Variants in CLSTN2 observed in about 807,000 individuals in gnomAD.
CLSTN2 encodes the protein calsyntenin 2, also known as calsyntenin-2.
A neutral mutation model predicts 101.2 loss-of-function variants in CLSTN2; 48 were observed. That is an observed-to-expected ratio of 0.47 (90% CI 0.38 to 0.60). The LOEUF is 0.60. Ranked by LOEUF, CLSTN2 falls within the 20% of genes least tolerant of loss-of-function variation. The pLI is 0.00. For missense variants in CLSTN2, 1,160 were observed against 1,238.2 expected (o/e 0.94, Z 0.95); for synonymous variants, 481 against 463.6 (o/e 1.04, Z -0.48).
intron 1 of CLSTN2, among the ~76,000 whole-genome samples, chr3:140,103,705 G>A (rs373695879): frequency 4.6e-5 from 7 of 152,154 alleles, no homozygotes; most frequent in Admixed American, 3.3e-4. Flanking sequence ...GGAGTAATAC[G>A]TCATTTCCCC....
chr3:140,409,989 G>T (rs1279042616), intron 4 of CLSTN2, among the ~76,000 whole-genome samples: 8 of 151,850 alleles, frequency 5.3e-5, no homozygotes, highest in African/African-American at 1.9e-4. Context: ...ATTTGAAGTT[G>T]TCCAGTAAGA....
chr3:140,016,465 A>G (rs952623230), intron 1 of CLSTN2, among the ~76,000 whole-genome samples: 1 of 152,198 alleles, frequency 6.6e-6, no homozygotes, highest in Non-Finnish European at 1.5e-5. Context: ...TTTTTTTTCA[A>G]TGAATATATT....
intron 1 of CLSTN2, among the ~76,000 whole-genome samples, chr3:140,106,633 A>G (rs980452524): frequency 6.6e-6 from 1 of 152,154 alleles, no homozygotes; most frequent in Non-Finnish European, 1.5e-5. Context: ...CCACAGGAAA[A>G]TGGGAGGATC....
rs1433071230 is a variant in CLSTN2 at position 140,427,242 on chromosome 3, T to TACAC, written c.787+5969_787+5970insCACA. On this transcript the variant is annotated intron_variant, in intron 5 of 16. Transcript: ENST00000458420. The stretch of plus-strand genomic sequence containing the variant: ...ATATATATGTGTGTATATATATATA[T>TACAC]ATACATATATATATACATAAATTAA... Among the ~76,000 whole-genome samples the TACAC allele has an allele frequency of 7.1e-5, 9 of 127,374 alleles. No homozygotes were observed. In the South Asian group the frequency reaches 1.2e-3, roughly 17 times the overall value. 83.6% of individuals were successfully genotyped at this position (127,374 alleles called of 152,430 possible).
At chr3:140,459,365 G>A (rs964258797) in intron 6 of CLSTN2, among the ~76,000 whole-genome samples, 156 bp from the exon 7 acceptor site, 1 of 152,220 alleles carries the variant, frequency 6.6e-6, no homozygotes, top group African/African-American at 2.4e-5. Flanking sequence ...GGCTGGAACA[G>A]CATTTAGCAC....
chr3:140,282,482 G>T (rs1559828100), intron 2 of CLSTN2, among the ~76,000 whole-genome samples: 1 of 152,176 alleles, frequency 6.6e-6, no homozygotes, highest in Non-Finnish European at 1.5e-5. Flanking sequence ...ACCTGGTGAG[G>T]CAGAGCTTCA....
chr3:140,330,328 G>A (rs1337237608), intron 2 of CLSTN2, among the ~76,000 whole-genome samples: 1 of 152,188 alleles, frequency 6.6e-6, no homozygotes, highest in Non-Finnish European at 1.5e-5. Flanking sequence ...TCACATTCAG[G>A]TGCTGCCCGG....
intron 1 of CLSTN2, among the ~76,000 whole-genome samples, chr3:140,094,421 T>G (rs1320051445): frequency 6.6e-6 from 1 of 152,234 alleles, no homozygotes. Context: ...TTTTTCTCCA[T>G]GCCCTTTGAA....
intron 5 of CLSTN2, among the ~76,000 whole-genome samples, chr3:140,422,769 C>T (rs909577082): frequency 1.3e-5 from 2 of 152,078 alleles, no homozygotes; most frequent in East Asian, 1.9e-4. Context: ...ACACTAGACC[C>T]GAGGACCCTG....
At chr3:140,551,601 C>T (rs2642542) in intron 10 of CLSTN2, among the ~76,000 whole-genome samples, 7 of 151,698 alleles carry the variant, frequency 4.6e-5, no homozygotes, top group Non-Finnish European at 2.9e-5. Flanking sequence ...GTGCCAGAGA[C>T]GTAGGCAGGG....
chr3:140,117,682 C>T (rs929569272), intron 1 of CLSTN2, among the ~76,000 whole-genome samples: 1 of 152,196 alleles, frequency 6.6e-6, no homozygotes. Flanking sequence ...GTACTTTTAG[C>T]CCCTCCAGGA....
chr3:140,549,926 G>A (rs1031614928), intron 10 of CLSTN2, among the ~76,000 whole-genome samples: 1 of 150,622 alleles, frequency 6.6e-6, no homozygotes, highest in African/African-American at 2.5e-5. Context: ...TCTCCAGCAT[G>A]TCTGGAGTCC....
chr3:140,192,980 T>C (rs1457662909), intron 2 of CLSTN2, among the ~76,000 whole-genome samples: 3 of 151,906 alleles, frequency 2.0e-5, no homozygotes, highest in Non-Finnish European at 4.4e-5. Context: ...ATCTAGGTAT[T>C]CTACATAACT....
At chr3:140,443,973 T>A (rs1933020448) in intron 5 of CLSTN2, among the ~76,000 whole-genome samples, 1 of 152,180 alleles carries the variant, frequency 6.6e-6, no homozygotes, top group South Asian at 2.1e-4. Context: ...CCAGCCCCCA[T>A]AAGCTGCCCT....
chr3:140,502,324 G>A (rs1442388199), intron 8 of CLSTN2, among the ~76,000 whole-genome samples: 1 of 152,160 alleles, frequency 6.6e-6, no homozygotes, highest in Non-Finnish European at 1.5e-5. Flanking sequence ...AGCAGTGAAG[G>A]ATGCAGGCCT....
Position 140,001,638 on chromosome 3 carries a change from T to A in CLSTN2, c.109+66155T>A, listed in dbSNP as rs115673713. On this transcript the variant is annotated intron_variant, in intron 1 of 16. Coordinates refer to ENST00000458420, the MANE Select transcript of CLSTN2 (RefSeq NM_022131.3). ...TACAAACGATCCAAAATACTTTTTTTAAGCTATTTTTAAATGTACAATTAA... is the reference window on the plus strand; with the variant it reads ...TACAAACGATCCAAAATACTTTTTTAAAGCTATTTTTAAATGTACAATTAA... Among the ~76,000 whole-genome samples the A allele has an allele frequency of 5.3e-3, 811 of 152,244 alleles. 6 individuals carry two copies. Among genetic ancestry groups the A allele is most frequent in the African/African-American group, 0.017 (695 of 41,540 alleles).
At chr3:140,349,259 G>A (rs934453587) in intron 2 of CLSTN2, among the ~76,000 whole-genome samples, 4 of 152,084 alleles carry the variant, frequency 2.6e-5, no homozygotes, top group Non-Finnish European at 4.4e-5. Context: ...AACCTTTTTC[G>A]TTTATAAATT....
At chr3:139,936,899 A>G (rs893538580) in intron 1 of CLSTN2, among the ~76,000 whole-genome samples, 3 of 151,944 alleles carry the variant, frequency 2.0e-5, no homozygotes, top group African/African-American at 4.8e-5. Context: ...GGCAGTTTCT[A>G]TTTTTAGAAA....
At chr3:140,044,999 G>C (rs2007842976) in intron 1 of CLSTN2, among the ~76,000 whole-genome samples, 1 of 152,034 alleles carries the variant, frequency 6.6e-6, no homozygotes, top group Non-Finnish European at 1.5e-5. Flanking sequence ...ATCTTTTTTG[G>C]TTGTGTCTCT....
Sources: gnomAD v4.1 joint callset for allele counts (sites outside exome capture counted in the v4.1 genomes callset) on GRCh38, gnomAD v4.1.1 for gene constraint, MANE v1.5 for transcripts, NCBI Gene and HGNC (gene_info 2026-07-23, HGNC 2026-07-21) for gene names.